SCN8A: variants seen among roughly 807,000 people sequenced by gnomAD.
SCN8A encodes sodium channel protein type 8 subunit alpha.
SCN8A carries 30 observed loss-of-function variants against 184.1 expected under a neutral mutation model. That is an observed-to-expected ratio of 0.16 (90% CI 0.12 to 0.22). The LOEUF (loss-of-function observed/expected upper bound fraction) is 0.22. Ranked by LOEUF, SCN8A falls within the 10% of genes least tolerant of loss-of-function variation. The probability of loss-of-function intolerance (pLI) is 1.00; values close to 1 mark genes in which losing one functional copy is unlikely to be tolerated. For synonymous variants in SCN8A, 852 were observed against 907.0 expected (o/e 0.94, Z 1.09); for missense variants, 1,057 against 2,498.9 (o/e 0.42, Z 12.30).
At chr12:51,795,924 G>C (rs572360065) in intron 26 of SCN8A, among the ~76,000 whole-genome samples, 55 of 151,308 alleles carry the variant, frequency 3.6e-4, no homozygotes, top group Admixed American at 5.3e-4. Flanking sequence ...ATACGTGCCT[G>C]TAGTCCCAGT....
Position 51,667,905 on chromosome 12 carries a change from C to T in SCN8A, c.276+4812C>T, listed in dbSNP as rs144698139. Among the ~76,000 whole-genome samples, 86 of 152,084 alleles carry T rather than the reference C, an allele frequency of 5.7e-4. 1 individual carries two copies. The East Asian group carries it at 0.013, about 22-fold the overall frequency. On this transcript the variant is annotated intron_variant, in intron 2 of 26. Coordinates refer to ENST00000627620, the MANE Select transcript of SCN8A (RefSeq NM_001330260.2). ...TTGCATTAAAAAAATTATATATGGC[C>T]GGGCGTGGTGGTTCACGCCTGTAAT...
chr12:51,753,069 G>T (rs1174662298), intron 14 of SCN8A, among the ~76,000 whole-genome samples: 1 of 152,016 alleles, frequency 6.6e-6, no homozygotes, highest in East Asian at 1.9e-4. Context: ...TTCCTTTCAT[G>T]AAAATTTAGA....
intron 2 of SCN8A, among the ~76,000 whole-genome samples, chr12:51,665,631 A>G (rs1172571911): frequency 6.6e-6 from 1 of 152,216 alleles, no homozygotes; most frequent in Non-Finnish European, 1.5e-5. Context: ...CAGTGCTGAT[A>G]CTTCTATAGG....
intron 1 of SCN8A, among the ~76,000 whole-genome samples, chr12:51,623,486 C>T (rs1047309895): frequency 1.3e-5 from 2 of 152,154 alleles, no homozygotes; most frequent in Non-Finnish European, 2.9e-5. Context: ...CAAACCCTTA[C>T]ACATGTAAAG....
rs968046276 is a variant in SCN8A, at chr12:51,713,121, C to CT, written c.1635+6407dup. 1.7e-4 allele frequency: 210 copies of CT among 1,243,332 alleles called. No individual in the cohort carries two copies. The African/African-American group carries it at 2.4e-3, about 14-fold the overall frequency. 77.0% of individuals were successfully genotyped at this position (1,243,332 alleles called of 1,614,324 possible). On this transcript the variant is annotated intron_variant, in intron 11 of 26. Transcript: ENST00000627620. ...AAGCAGATCCTCTCTTTTTTCCACTCTGCCTCTCTTGCATAACTTCTATGG... is the reference window on the plus strand; with the variant it reads ...AAGCAGATCCTCTCTTTTTTCCACTCTTGCCTCTCTTGCATAACTTCTATGG...
intron 2 of SCN8A, among the ~76,000 whole-genome samples, chr12:51,680,896 G>A (rs1263895404): frequency 6.6e-6 from 1 of 151,946 alleles, no homozygotes; most frequent in Non-Finnish European, 1.5e-5. Flanking sequence ...CTCAAGTACT[G>A]GGGAGGCTGA....
At chr12:51,699,853 A>T in intron 7 of SCN8A, 62 bp downstream of exon 7, 1 of 1,430,014 alleles carries the variant, frequency 7.0e-7, no homozygotes, top group Non-Finnish European at 9.7e-7. Flanking sequence ...ACATGGTCAG[A>T]AGCTACCACA....
chr12:51,750,237 T>C (rs1159160423), intron 13 of SCN8A, among the ~76,000 whole-genome samples: 1 of 152,222 alleles, frequency 6.6e-6, no homozygotes, highest in African/African-American at 2.4e-5. Context: ...CTGCTTCATC[T>C]AGGGAAATTC....
chr12:51,626,865 T>C (rs557522806), intron 1 of SCN8A, among the ~76,000 whole-genome samples: 13 of 150,832 alleles, frequency 8.6e-5, no homozygotes, highest in Admixed American at 7.2e-4. Context: ...TATTTATTTA[T>C]TTAGATTTTT....
At chr12:51,770,153 CT>C (rs1024266753) in intron 18 of SCN8A, 168 bp downstream of exon 18, 8 of 624,196 alleles carry the variant, frequency 1.3e-5, no homozygotes, top group African/African-American at 9.3e-5. Flanking sequence ...CTATTTGTAT[CT>C]GACAAGTATA....
intron 20 of SCN8A, 43 bp from the exon 21 acceptor site, chr12:51,780,600 TTTTTGG>T: frequency 2.3e-6 from 1 of 426,502 alleles, no homozygotes; most frequent in Non-Finnish European, 3.9e-6. Context: ...TTTTTTTTTT[TTTTTGG>T]TTACCTTTTT....
chr12:51,621,710 C>G (rs763907150), intron 1 of SCN8A, among the ~76,000 whole-genome samples: 3 of 152,226 alleles, frequency 2.0e-5, no homozygotes, highest in Non-Finnish European at 2.9e-5. Context: ...GTGTCAGCCA[C>G]AGCTACAGGC....
At chr12:51,664,067 C>T (rs923433096) in intron 2 of SCN8A, among the ~76,000 whole-genome samples, 6 of 151,076 alleles carry the variant, frequency 4.0e-5, no homozygotes, top group Admixed American at 1.3e-4. Flanking sequence ...AGAGCAGCTA[C>T]GTAATAGAAA....
At chr12:51,601,441 C>CTT (rs779590904) in intron 1 of SCN8A, among the ~76,000 whole-genome samples, 89 of 140,852 alleles carry the variant, frequency 6.3e-4, no homozygotes, top group African/African-American at 2.2e-3. Context: ...CTAACAAGGC[C>CTT]TTTTTTTTTT....
rs115077198 is a variant in SCN8A, at chr12:51,635,911, C to T, written c.-54-26853C>T. On this transcript the variant is annotated intron_variant, in intron 1 of 26. Transcript: ENST00000627620. ...ATGACTGTATAGCTTCATAAATTTT[C>T]AGTGCACAGCAACCCAGAAGCCCAC... Among the ~76,000 whole-genome samples, 830 of 152,262 alleles carry T rather than the reference C, an allele frequency of 5.5e-3. 4 individuals carry two copies. The highest frequency in any genetic ancestry group is 0.019 in the African/African-American group (770 of 41,534).
At chr12:51,646,943 G>C (rs1940603647) in intron 1 of SCN8A, among the ~76,000 whole-genome samples, 1 of 152,186 alleles carries the variant, frequency 6.6e-6, no homozygotes, top group Non-Finnish European at 1.5e-5. Flanking sequence ...TGGACTGATG[G>C]AACTTGCTCA....
At chr12:51,790,778 G>C (rs1938228594) in intron 25 of SCN8A, among the ~76,000 whole-genome samples, 1 of 152,116 alleles carries the variant, frequency 6.6e-6, no homozygotes, top group Non-Finnish European at 1.5e-5. Context: ...CTAGTAGAGA[G>C]ATGTTTTTAG....
At chr12:51,627,858 T>C (rs1266180669) in intron 1 of SCN8A, among the ~76,000 whole-genome samples, 1 of 152,228 alleles carries the variant, frequency 6.6e-6, no homozygotes, top group Non-Finnish European at 1.5e-5. Flanking sequence ...GGACAGTAAC[T>C]AGGGAGCATT....
chr12:51,767,940 G>A (rs1172432581), intron 16 of SCN8A, among the ~76,000 whole-genome samples: 1 of 152,144 alleles, frequency 6.6e-6, no homozygotes. Context: ...CCCTCAGCCT[G>A]GCCTTCAAAG....
Sources: allele counts gnomAD v4.1 joint callset (sites outside exome capture counted in the v4.1 genomes callset), GRCh38; gene constraint gnomAD v4.1.1; transcripts MANE v1.5; gene names NCBI Gene and HGNC (gene_info 2026-07-23, HGNC 2026-07-21).